The following NDUFS4 variants were observed in gnomAD, a reference collection of about 807,000 sequenced individuals.
NDUFS4 encodes the protein NADH dehydrogenase [ubiquinone] iron-sulfur protein 4, mitochondrial.
In NDUFS4, 28 loss-of-function variants were observed where a neutral mutation model predicts 24.3. The ratio of observed to expected loss-of-function variants is 1.15; its 90% CI spans 0.85 to 1.58. The LOEUF is 1.58. Ranked by LOEUF, NDUFS4 falls within the 40% of genes most tolerant of loss-of-function variation. The probability of loss-of-function intolerance (pLI) is 0.00; values close to 1 mark genes in which losing one functional copy is unlikely to be tolerated. For missense variants in NDUFS4, 223 were observed against 207.9 expected (o/e 1.07, Z -0.45); for synonymous variants, 93 against 69.7 (o/e 1.34, Z -1.67).
At chr5:53,568,381 A>T (rs1251800787) in intron 1 of NDUFS4, among the ~76,000 whole-genome samples, 1 of 152,132 alleles carries the variant, frequency 6.6e-6, no homozygotes, top group African/African-American at 2.4e-5. Context: ...CTGAAAACGG[A>T]TTAAAAAAAA....
At position 53,614,482 on chromosome 5, in the gene NDUFS4, C is replaced by T. The variant is rs561272020; in HGVS notation, c.177+10952C>T. 2.0e-5 allele frequency among the ~76,000 whole-genome samples: 3 copies of T among 152,066 alleles called. No homozygotes were observed. In the South Asian group the frequency reaches 6.2e-4, roughly 32 times the overall value. On this transcript the variant is annotated intron_variant, in intron 2 of 4. Coordinates refer to ENST00000296684, the MANE Select transcript of NDUFS4 (RefSeq NM_002495.4). ...GCCATCTCTATTATCTGTGATTCTT[C>T]AGCAATTAAAGCAGATTTATTTCCC...
chr5:53,607,586 C>A (rs1048318654), intron 2 of NDUFS4, among the ~76,000 whole-genome samples: 1 of 152,014 alleles, frequency 6.6e-6, no homozygotes, highest in African/African-American at 2.4e-5. Flanking sequence ...TATCTATATA[C>A]CTCTATGAAC....
In NDUFS4 at chr5:53,646,235, T is replaced by C; in HGVS notation, c.180T>C (p.Asp60=). The C allele has an allele frequency of 6.2e-7, 1 of 1,606,572 alleles. No homozygotes were observed. The highest frequency in any genetic ancestry group is 1.3e-5 in the African/African-American group (1 of 74,804). The change falls in exon 3 of 5, where the codon GAT becomes GAC. Residue 60 remains aspartate (D), a splice_region_variant and synonymous_variant. Transcript: ENST00000296684. ...TTTTTTTTCTTGTTTTTCTGTAGGA[T>C]ATCACTACTTTAACTGGAGTTCCAG... ...TQLITVDEKL[D]ITTLTGVPEE...
intron 4 of NDUFS4, among the ~76,000 whole-genome samples, chr5:53,666,984 AT>A (rs1177302309): frequency 2.6e-5 from 4 of 152,134 alleles, no homozygotes; most frequent in Non-Finnish European, 5.9e-5. Context: ...TTACTCAAGA[AT>A]TTGAAACCAT....
chr5:53,645,974 T>C (rs1000478030), intron 2 of NDUFS4, among the ~76,000 whole-genome samples: 7 of 152,220 alleles, frequency 4.6e-5, no homozygotes, highest in African/African-American at 1.7e-4. Context: ...ACCAATGCTT[T>C]GTTGGACAAA....
intron 4 of NDUFS4, among the ~76,000 whole-genome samples, chr5:53,666,490 G>A (rs1752517871): frequency 6.6e-6 from 1 of 152,226 alleles, no homozygotes; most frequent in Non-Finnish European, 1.5e-5. Flanking sequence ...ACATAAAGTT[G>A]TAGGCTAACA....
intron 2 of NDUFS4, among the ~76,000 whole-genome samples, chr5:53,639,683 T>A (rs145623738): frequency 1.6e-3 from 246 of 152,292 alleles, no homozygotes; most frequent in African/African-American, 5.3e-3. Context: ...TAAACAAAGC[T>A]AAGCATCATT....
At chr5:53,612,041 T>G (rs4527554) in intron 2 of NDUFS4, among the ~76,000 whole-genome samples, 1 of 152,150 alleles carries the variant, frequency 6.6e-6, no homozygotes, top group Non-Finnish European at 1.5e-5. Flanking sequence ...TTTAGTACAG[T>G]TAAAATATTA....
chr5:53,578,434 A>G (rs1024509849), intron 1 of NDUFS4, among the ~76,000 whole-genome samples: 14 of 152,182 alleles, frequency 9.2e-5, no homozygotes, highest in Non-Finnish European at 7.3e-5. Flanking sequence ...GATATTAGCC[A>G]TGCTGTCAGG....
intron 1 of NDUFS4, among the ~76,000 whole-genome samples, chr5:53,602,352 T>C (rs73117531): frequency 0.018 from 2,810 of 152,282 alleles, 96 homozygotes; most frequent in African/African-American, 0.064. Flanking sequence ...TAGGTATATT[T>C]CTGAGTGGGG....
intron 3 of NDUFS4, among the ~76,000 whole-genome samples, chr5:53,655,947 C>G (rs1181383700): frequency 6.6e-6 from 1 of 152,158 alleles, no homozygotes; most frequent in Non-Finnish European, 1.5e-5. Context: ...ATTCTTTCAG[C>G]CTTCCCAGCT....
intron 1 of NDUFS4, chr5:53,573,880 T>G (rs981063474): frequency 5.3e-6 from 1 of 187,324 alleles, no homozygotes; most frequent in African/African-American, 2.4e-5. Flanking sequence ...ACATGAGTTA[T>G]TGCATCCAGC....
chr5:53,677,214 C>T (rs1740503890), intron 4 of NDUFS4, among the ~76,000 whole-genome samples: 4 of 152,114 alleles, frequency 2.6e-5, no homozygotes, highest in Admixed American at 1.3e-4. Flanking sequence ...AGAAATATTA[C>T]ATAGCAAGTA....
chr5:53,637,578 A>G (rs1205428845), intron 2 of NDUFS4, among the ~76,000 whole-genome samples: 1 of 152,190 alleles, frequency 6.6e-6, no homozygotes, highest in Non-Finnish European at 1.5e-5. Context: ...TTATAAAAGT[A>G]TACTTTGCCA....
intron 3 of NDUFS4, among the ~76,000 whole-genome samples, chr5:53,654,214 AAT>A (rs1752099477): frequency 6.6e-6 from 1 of 152,164 alleles, no homozygotes. Context: ...ATTAAGTATT[AAT>A]GTTTTTGTAA....
chr5:53,635,326 A>G (rs1051700430), intron 2 of NDUFS4, among the ~76,000 whole-genome samples: 5 of 151,712 alleles, frequency 3.3e-5, no homozygotes, highest in Non-Finnish European at 7.4e-5. Flanking sequence ...AGCCTAGGCA[A>G]CATGGTGAAA....
intron 1 of NDUFS4, chr5:53,573,741 A>G (rs1749296407): frequency 1.3e-5 from 3 of 235,954 alleles, no homozygotes; most frequent in Non-Finnish European, 2.6e-5. Flanking sequence ...GGCATGTACC[A>G]CTAAGCTTGA....
chr5:53,595,832 G>A (rs181534192), intron 1 of NDUFS4, among the ~76,000 whole-genome samples: 8 of 152,254 alleles, frequency 5.3e-5, no homozygotes, highest in Admixed American at 3.3e-4. Context: ...ACTGCTATTA[G>A]TTCCTACCAT....
At chr5:53,626,653 A>T (rs1250431410) in intron 2 of NDUFS4, among the ~76,000 whole-genome samples, 1 of 152,044 alleles carries the variant, frequency 6.6e-6, no homozygotes, top group African/African-American at 2.4e-5. Flanking sequence ...ATTTTTTCAT[A>T]AGTTTGTTGG....
Sources: allele counts gnomAD v4.1 joint callset (sites outside exome capture counted in the v4.1 genomes callset), GRCh38; gene constraint gnomAD v4.1.1; transcripts MANE v1.5; gene names NCBI Gene and HGNC (gene_info 2026-07-23, HGNC 2026-07-21).